The following RGS3 variants were observed in gnomAD, a reference collection of about 807,000 sequenced individuals.
The protein encoded by RGS3 is regulator of G-protein signalling 3.
A neutral mutation model predicts 132.6 loss-of-function variants in RGS3; 80 were observed. That is an observed-to-expected ratio of 0.60 (90% CI 0.50 to 0.73). The LOEUF is 0.73. RGS3 is among the 30% of genes least tolerant of loss of function. The probability of loss-of-function intolerance (pLI) is 0.00; values close to 1 mark genes in which losing one functional copy is unlikely to be tolerated. For synonymous variants in RGS3, 598 were observed against 620.6 expected (o/e 0.96, Z 0.54); for missense variants, 1,382 against 1,530.8 (o/e 0.90, Z 1.62).
At chr9:113,520,761 A>G (rs1409474763) in intron 16 of RGS3, among the ~76,000 whole-genome samples, 1 of 151,668 alleles carries the variant, frequency 6.6e-6, no homozygotes, top group African/African-American at 2.4e-5. Flanking sequence ...CAGACAACCA[A>G]TTCCTTGACT....
At position 113,481,135 on chromosome 9, in the gene RGS3, T is replaced by C. The variant is rs533823192; in HGVS notation, c.466+1594T>C. Among the ~76,000 whole-genome samples, 105 of 152,352 alleles carry C rather than the reference T, an allele frequency of 6.9e-4. 1 individual carries two copies. Among genetic ancestry groups the C allele is most frequent in the African/African-American group, 2.4e-3 (100 of 41,582 alleles). On this transcript the variant is annotated intron_variant, in intron 4 of 24. Coordinates refer to ENST00000350696, the Ensembl canonical transcript of RGS3. ...AGAAATATGCCTGCCTTCATCATCATTAAGACTCAGGAAGGAAGGGTCATT... is the reference window on the plus strand; with the variant it reads ...AGAAATATGCCTGCCTTCATCATCACTAAGACTCAGGAAGGAAGGGTCATT...
At chr9:113,453,727 A>G (rs888076756) in intron 1 of RGS3, among the ~76,000 whole-genome samples, 3 of 123,646 alleles carry the variant, frequency 2.4e-5, no homozygotes, top group African/African-American at 6.2e-5. Flanking sequence ...TGATTATATA[A>G]TATACTCATT....
chr9:113,535,232 G>A (rs190016567), intron 18 of RGS3, among the ~76,000 whole-genome samples: 18 of 152,014 alleles, frequency 1.2e-4, no homozygotes, highest in Non-Finnish European at 7.4e-5. Flanking sequence ...GGGGTACAGT[G>A]GTGCGATCCT....
intron 19 of RGS3, among the ~76,000 whole-genome samples, chr9:113,557,008 A>G (rs1833595691): frequency 6.6e-6 from 1 of 152,218 alleles, no homozygotes. Flanking sequence ...ACACGCAGTC[A>G]CCTTCACACT....
rs573435048 is a variant in RGS3 at position 113,454,784 on chromosome 9, A to G, written c.-12-5461A>G. 8.0e-5 allele frequency among the ~76,000 whole-genome samples: 12 copies of G among 150,896 alleles called. No individual in the cohort carries two copies. In the South Asian group the frequency reaches 2.1e-3, roughly 26 times the overall value. On this transcript the variant is annotated intron_variant, in intron 1 of 25. Coordinates refer to the RGS3 transcript ENST00000374140. Reference sequence around the variant, plus strand: ...GAAGACCCTTCTGAGTATTCTATCTAATACCTCCTAAGGAATTAGAAGGTC... The same window carrying G: ...GAAGACCCTTCTGAGTATTCTATCTGATACCTCCTAAGGAATTAGAAGGTC...
intron 19 of RGS3, among the ~76,000 whole-genome samples, chr9:113,553,784 A>C (rs1833457948): frequency 1.3e-5 from 2 of 152,016 alleles, no homozygotes; most frequent in Admixed American, 6.6e-5. Context: ...CGGAGGTTGC[A>C]ATGAGCCGAG....
In RGS3 at chr9:113,506,681, A is replaced by T. The variant is rs1259916736; in HGVS notation, c.1085+188A>T. 6.6e-6 allele frequency among the ~76,000 whole-genome samples: 1 copy of T among 152,182 alleles called. No homozygotes were observed. The highest frequency in any genetic ancestry group is 1.5e-5 in the Non-Finnish European group (1 of 68,040). ...AGAATGGAAGGTTCAGGCTCAGAGC[A>T]CTTTTGGATTCCAGAGCAAACAGCA... is the stretch of plus-strand genomic sequence containing the variant. On this transcript the variant is annotated intron_variant, in intron 12 of 24. Transcript: ENST00000350696. This position sits in a 1 kb window ranked among gnomAD's most constrained non-coding sequence, Gnocchi z 4.7.
At chr9:113,465,476 T>TGC (rs1554754578) in intron 3 of RGS3, among the ~76,000 whole-genome samples, 195 of 151,538 alleles carry the variant, frequency 1.3e-3, no homozygotes, top group Middle Eastern at 3.4e-3. Context: ...TGTGTGTGTG[T>TGC]GTGTGCCTGT....
exon 20 of RGS3, chr9:113,583,724 C>T: frequency 6.2e-7 from 1 of 1,614,076 alleles, no homozygotes; most frequent in Non-Finnish European, 8.5e-7. Flanking sequence ...CAGGAACCCC[C>T]TCCAGCCCAA....
intron 17 of RGS3, among the ~76,000 whole-genome samples, chr9:113,526,482 C>A (rs1832216143): frequency 6.6e-6 from 1 of 152,182 alleles, no homozygotes; most frequent in Admixed American, 6.5e-5. Flanking sequence ...GGCAGGCAGT[C>A]CTCACTTCAA....
chr9:113,484,524 G>A (rs1274638381), intron 6 of RGS3, among the ~76,000 whole-genome samples: 1 of 152,136 alleles, frequency 6.6e-6, no homozygotes, highest in Non-Finnish European at 1.5e-5. Flanking sequence ...AAAAAGTGTA[G>A]GCAATTTCCC....
chr9:113,572,853 C>G (rs1313803398), intron 19 of RGS3, among the ~76,000 whole-genome samples: 1 of 152,234 alleles, frequency 6.6e-6, no homozygotes, highest in Non-Finnish European at 1.5e-5. Context: ...CATCTGCCTT[C>G]TCAGCTTCCA....
intron 3 of RGS3, among the ~76,000 whole-genome samples, chr9:113,470,156 C>G (rs1045935303): frequency 6.8e-5 from 7 of 102,912 alleles, no homozygotes; most frequent in African/African-American, 2.9e-4. Flanking sequence ...GGTGATCCAC[C>G]TGCCTTGGCC....
intron 7 of RGS3, among the ~76,000 whole-genome samples, chr9:113,488,253 G>T (rs1588152933): frequency 6.6e-6 from 1 of 152,208 alleles, no homozygotes; most frequent in Admixed American, 6.5e-5. Flanking sequence ...AGAGTTACTG[G>T]AGGTGGAGGT....
At chr9:113,480,859 T>G (rs1024154055) in intron 4 of RGS3, among the ~76,000 whole-genome samples, 1 of 152,254 alleles carries the variant, frequency 6.6e-6, no homozygotes, top group Non-Finnish European at 1.5e-5. Context: ...TGAGTTGCTG[T>G]CATGGCCCCC....
intron 19 of RGS3, among the ~76,000 whole-genome samples, chr9:113,538,215 G>A (rs563956631): frequency 1.4e-4 from 22 of 152,346 alleles, no homozygotes; most frequent in African/African-American, 5.0e-4. Context: ...AACCATAGCT[G>A]TGGGGAATGC....
chr9:113,514,478 G>T, exon 15 of RGS3: 1 of 1,614,002 alleles, frequency 6.2e-7, no homozygotes, highest in Non-Finnish European at 8.5e-7. Flanking sequence ...TCCCAGTAAA[G>T]GGAAGTCCTA....
Position 113,514,319 on chromosome 9 carries a change from C to T in RGS3, c.1478-139C>T, listed in dbSNP as rs1048855355. 20 of 735,614 alleles carry T rather than the reference C, an allele frequency of 2.7e-5. 1 individual carries two copies. In the South Asian group the frequency reaches 3.1e-4, roughly 11 times the overall value. The allele number at this position is 735,614 out of a possible 1,614,324, so 45.6% of individuals were successfully genotyped here. A position where few individuals can be genotyped will look rare whatever the true frequency, so the allele number is the denominator to read the frequency against. ...GTGAAGCCTCCCTGTGTTTCAGCAT[C>T]GTGCGCAGGGCCTGGCACAAAGTAG... On this transcript the variant is annotated intron_variant, in intron 14 of 24. Coordinates refer to ENST00000350696, the Ensembl canonical transcript of RGS3.
At chr9:113,462,170 G>A in exon 3 of RGS3, 2 of 1,614,130 alleles carry the variant, frequency 1.2e-6, no homozygotes, top group South Asian at 1.1e-5. Flanking sequence ...CAGCCAGGAA[G>A]AGGATCACGC....
Sources: gnomAD v4.1 joint callset for allele counts (sites outside exome capture counted in the v4.1 genomes callset) on GRCh38, gnomAD v4.1.1 for gene constraint, Gnocchi (gnomAD v3.1) non-coding constraint, MANE v1.5 for transcripts, NCBI Gene and HGNC (gene_info 2026-07-23, HGNC 2026-07-21) for gene names.